BICD1: variants seen among roughly 807,000 people sequenced by gnomAD.
BICD1 encodes BICD cargo adaptor 1, also known as protein bicaudal D homolog 1.
Under a neutral mutation model 92.5 loss-of-function variants are expected in BICD1, and 35 were observed. The observed-to-expected ratio is 0.38, with a 90% CI of 0.29 to 0.50. The LOEUF (loss-of-function observed/expected upper bound fraction) is 0.50. BICD1 is among the 20% of genes least tolerant of loss of function. The pLI is 0.93. For missense variants in BICD1, 950 were observed against 1,189.8 expected (o/e 0.80, Z 2.97); for synonymous variants, 429 against 465.1 (o/e 0.92, Z 1.00).
chr12:32,258,908 C>T (rs566447989), intron 2 of BICD1, among the ~76,000 whole-genome samples: 29 of 152,298 alleles, frequency 1.9e-4, no homozygotes, highest in African/African-American at 4.6e-4. Context: ...TTTAAGCCTC[C>T]GGATGACTGC....
chr12:32,179,713 G>C (rs1043083903), intron 1 of BICD1, among the ~76,000 whole-genome samples: 6 of 151,818 alleles, frequency 4.0e-5, no homozygotes, highest in African/African-American at 1.4e-4. Flanking sequence ...CACAGGGACC[G>C]GGTGCAATGG....
chr12:32,165,230 A>G (rs1943717593), intron 1 of BICD1, among the ~76,000 whole-genome samples: 1 of 152,132 alleles, frequency 6.6e-6, no homozygotes, highest in South Asian at 2.1e-4. Context: ...AAAGTATTTG[A>G]GTTGGCCGGG....
At chr12:32,231,278 T>C (rs780757105) in intron 2 of BICD1, among the ~76,000 whole-genome samples, 38 of 151,902 alleles carry the variant, frequency 2.5e-4, no homozygotes, top group Non-Finnish European at 4.6e-4. Flanking sequence ...AACCCAAGAG[T>C]TTGAGACCAT....
At chr12:32,187,266 A>C (rs1462054270) in intron 1 of BICD1, among the ~76,000 whole-genome samples, 1 of 152,250 alleles carries the variant, frequency 6.6e-6, no homozygotes, top group Non-Finnish European at 1.5e-5. Flanking sequence ...TTATCAGGAC[A>C]AACAGTTTGC....
At chr12:32,342,182 G>A (rs1046157844) in intron 8 of BICD1, among the ~76,000 whole-genome samples, 1 of 110,810 alleles carries the variant, frequency 9.0e-6, no homozygotes, top group Non-Finnish European at 1.7e-5. Flanking sequence ...ATATATGTGT[G>A]TATATATATA....
chr12:32,306,197 C>T (rs1377886561), intron 4 of BICD1, 75 bp downstream of exon 4: 4 of 1,327,386 alleles, frequency 3.0e-6, no homozygotes, highest in East Asian at 2.3e-5. Flanking sequence ...ACTTCTGATT[C>T]TCGCATTTCA....
At chr12:32,339,921 C>G (rs185410847) in intron 8 of BICD1, 1 of 848,630 alleles carries the variant, frequency 1.2e-6, no homozygotes, top group Admixed American at 6.2e-5. Flanking sequence ...TCTGCGTTCA[C>G]GCATGTCAAC....
intron 1 of BICD1, among the ~76,000 whole-genome samples, chr12:32,113,266 A>C (rs1941764025): frequency 6.6e-6 from 1 of 152,148 alleles, no homozygotes; most frequent in Non-Finnish European, 1.5e-5. Flanking sequence ...GTGGAAAGTG[A>C]GGAAGACAGT....
At chr12:32,341,413 G>A (rs1032587188) in intron 8 of BICD1, among the ~76,000 whole-genome samples, 24 of 149,082 alleles carry the variant, frequency 1.6e-4, no homozygotes, top group Middle Eastern at 3.5e-3. Context: ...TCAGCGAACC[G>A]AGATCGCACC....
At chr12:32,323,833 G>C (rs1948711824) in intron 4 of BICD1, among the ~76,000 whole-genome samples, 1 of 152,104 alleles carries the variant, frequency 6.6e-6, no homozygotes, top group Non-Finnish European at 1.5e-5. Context: ...AATAATTAAT[G>C]GGGAAATTTA....
At chr12:32,143,172 A>G (rs1943000152) in intron 1 of BICD1, among the ~76,000 whole-genome samples, 1 of 152,226 alleles carries the variant, frequency 6.6e-6, no homozygotes, top group Non-Finnish European at 1.5e-5. Context: ...GTGCACAAAC[A>G]TGAATATACA....
Position 32,380,721 on chromosome 12 carries a change from A to C in BICD1, c.*3094A>C, listed in dbSNP as rs904545196. The C allele has an allele frequency of 6.6e-6, 1 of 152,174 alleles. No individual in the cohort carries two copies. The highest frequency in any genetic ancestry group is 1.5e-5 in the Non-Finnish European group (1 of 67,998). 9.4% of individuals were successfully genotyped at this position (152,174 alleles called of 1,614,324 possible). On this transcript the variant is annotated 3_prime_UTR_variant, in exon 10 of 10. Coordinates refer to ENST00000652176, the MANE Select transcript of BICD1 (RefSeq NM_001714.4). ...TCCAACTCTGGATTCTAATAAAATA[A>C]TTTGGAGAACTTTGAGAAAAAGGAA...
intron 1 of BICD1, among the ~76,000 whole-genome samples, chr12:32,196,738 A>G (rs1255305914): frequency 6.6e-6 from 1 of 152,178 alleles, no homozygotes; most frequent in Admixed American, 6.5e-5. Flanking sequence ...TACTGTGTTT[A>G]CTTGAAATTA....
chr12:32,152,310 A>G (rs1287541426), intron 1 of BICD1, among the ~76,000 whole-genome samples: 1 of 149,842 alleles, frequency 6.7e-6, no homozygotes, highest in Non-Finnish European at 1.5e-5. Context: ...GTGCCATGGC[A>G]TGATCATAGC....
At chr12:32,363,019 T>TA (rs1243947739) in intron 8 of BICD1, among the ~76,000 whole-genome samples, 2 of 152,202 alleles carry the variant, frequency 1.3e-5, no homozygotes, top group Non-Finnish European at 2.9e-5. Flanking sequence ...GACCAGGCTT[T>TA]AAGAGACCCT....
At chr12:32,204,754 G>T (rs1944999728) in intron 1 of BICD1, among the ~76,000 whole-genome samples, 1 of 152,166 alleles carries the variant, frequency 6.6e-6, no homozygotes, top group African/African-American at 2.4e-5. Context: ...ATGCCAAGAT[G>T]CCCTGGGGAA....
intron 2 of BICD1, among the ~76,000 whole-genome samples, chr12:32,233,381 T>C (rs1252837488): frequency 1.3e-5 from 2 of 151,864 alleles, no homozygotes; most frequent in Non-Finnish European, 2.9e-5. Flanking sequence ...TTCAAGGTCA[T>C]TACATTTTTA....
chr12:32,283,905 A>G (rs1195623624), intron 2 of BICD1, among the ~76,000 whole-genome samples: 1 of 152,254 alleles, frequency 6.6e-6, no homozygotes, highest in African/African-American at 2.4e-5. Context: ...ATTTTCAAAT[A>G]AAGCATGTGC....
intron 8 of BICD1, among the ~76,000 whole-genome samples, chr12:32,359,581 T>C (rs1565695494): frequency 6.6e-6 from 1 of 152,136 alleles, no homozygotes; most frequent in Non-Finnish European, 1.5e-5. Flanking sequence ...AGCAGACCTT[T>C]ATGATCCAAT....
Sources: gnomAD v4.1 joint callset for allele counts (sites outside exome capture counted in the v4.1 genomes callset) on GRCh38, gnomAD v4.1.1 for gene constraint, MANE v1.5 for transcripts, NCBI Gene and HGNC (gene_info 2026-07-23, HGNC 2026-07-21) for gene names.